PDE4D: variants seen among roughly 807,000 people sequenced by gnomAD.
PDE4D encodes 3',5'-cyclic-AMP phosphodiesterase 4D.
In PDE4D, 24 loss-of-function variants were observed where a neutral mutation model predicts 87.4. That is an observed-to-expected ratio of 0.27 (90% CI 0.20 to 0.39). PDE4D has a LOEUF of 0.39. PDE4D is among the 10% of genes least tolerant of loss of function. The pLI, the probability that PDE4D is intolerant of heterozygous loss-of-function variation, is 1.00. For synonymous variants in PDE4D, 384 were observed against 383.2 expected, an observed-to-expected ratio of 1.00 and a Z score of -0.02; for missense variants, 714 against 1,041.0, an observed-to-expected ratio of 0.69 and a Z score of 4.32.
chr5:60,172,102 ATATATATATATTATAT>A (rs930356982), intron 2 of PDE4D, among the ~76,000 whole-genome samples: 10 of 146,044 alleles, frequency 6.8e-5, no homozygotes, highest in Admixed American at 1.4e-4. Flanking sequence ...AAATGAGTGA[ATATATATATATTATAT>A]TATATATATA....
intron 5 of PDE4D, among the ~76,000 whole-genome samples, chr5:59,151,177 G>C (rs1188123132): frequency 6.6e-6 from 1 of 152,126 alleles, no homozygotes; most frequent in East Asian, 1.9e-4. Flanking sequence ...GATGAGGGAC[G>C]TTTGTGAATT....
intron 1 of PDE4D, among the ~76,000 whole-genome samples, chr5:59,848,605 T>C (rs1267813615): frequency 6.6e-6 from 1 of 152,030 alleles, no homozygotes; most frequent in Non-Finnish European, 1.5e-5. Context: ...AAGGAAAATA[T>C]ATCACAGTTT....
At chr5:60,011,361 G>A (rs1392121600) in intron 2 of PDE4D, among the ~76,000 whole-genome samples, 2 of 152,022 alleles carry the variant, frequency 1.3e-5, no homozygotes, top group African/African-American at 4.8e-5. Flanking sequence ...TTTAGCCTGT[G>A]GCAGTAGTTT....
At chr5:59,454,320 G>C (rs779044143) in intron 1 of PDE4D, among the ~76,000 whole-genome samples, 3 of 152,210 alleles carry the variant, frequency 2.0e-5, no homozygotes, top group Non-Finnish European at 4.4e-5. Flanking sequence ...CCTGGTAGGA[G>C]GTGATTGAAT....
chr5:60,503,507 AT>A (rs1750190429), intron 1 of PDE4D, among the ~76,000 whole-genome samples: 1 of 151,856 alleles, frequency 6.6e-6, no homozygotes, highest in Admixed American at 6.6e-5. Context: ...TATTCCTTGC[AT>A]TTATATTTAC....
intron 3 of PDE4D, among the ~76,000 whole-genome samples, chr5:59,952,721 A>G (rs1341232319): frequency 6.6e-6 from 1 of 152,190 alleles, no homozygotes; most frequent in East Asian, 1.9e-4. Flanking sequence ...ATCAGCTATT[A>G]TGCTATGAGG....
At chr5:59,737,536 C>T (rs1425506275) in intron 1 of PDE4D, among the ~76,000 whole-genome samples, 4 of 151,966 alleles carry the variant, frequency 2.6e-5, no homozygotes, top group Middle Eastern at 3.4e-3. Flanking sequence ...TAATAGGCCA[C>T]GGTATTGTGA....
At chr5:59,226,318 AAAG>A (rs1405421844) in intron 1 of PDE4D, among the ~76,000 whole-genome samples, 1 of 152,204 alleles carries the variant, frequency 6.6e-6, no homozygotes, top group Non-Finnish European at 1.5e-5. Flanking sequence ...TTTAGCCTTA[AAAG>A]AAGGATATCC....
intron 5 of PDE4D, among the ~76,000 whole-genome samples, chr5:59,138,121 T>C (rs1257889718): frequency 1.3e-5 from 2 of 152,222 alleles, no homozygotes; most frequent in African/African-American, 2.4e-5. Flanking sequence ...ACTTCACTTT[T>C]GTCCCTGAAA....
intron 1 of PDE4D, among the ~76,000 whole-genome samples, chr5:59,630,115 A>C (rs1382037077): frequency 2.0e-5 from 3 of 152,182 alleles, no homozygotes; most frequent in Non-Finnish European, 2.9e-5. Context: ...TGATTGTTGA[A>C]TCTATCTGTG....
chr5:59,335,924 T>C (rs893151326), intron 1 of PDE4D, among the ~76,000 whole-genome samples: 7 of 152,318 alleles, frequency 4.6e-5, no homozygotes, highest in Middle Eastern at 3.4e-3. Context: ...TTGCAAAAAA[T>C]GATCTAGACT....
intron 1 of PDE4D, among the ~76,000 whole-genome samples, chr5:60,281,731 G>T (rs1247387562): frequency 6.6e-6 from 1 of 152,010 alleles, no homozygotes; most frequent in Non-Finnish European, 1.5e-5. Context: ...AATAGAAAAA[G>T]TAAGAATAAG....
intron 1 of PDE4D, among the ~76,000 whole-genome samples, chr5:59,597,744 C>T (rs1223520230): frequency 6.6e-6 from 1 of 152,080 alleles, no homozygotes. Context: ...TTCAAAGTCA[C>T]TGTAGTATAA....
chr5:60,050,073 GT>G (rs377153240), intron 2 of PDE4D, among the ~76,000 whole-genome samples: 15 of 152,274 alleles, frequency 9.9e-5, no homozygotes, highest in African/African-American at 3.4e-4. Context: ...TCCTGGTGCC[GT>G]TTTTTAAGGC....
chr5:59,774,582 A>C (rs1029719180), intron 1 of PDE4D, among the ~76,000 whole-genome samples: 8 of 152,118 alleles, frequency 5.3e-5, no homozygotes, highest in Non-Finnish European at 1.2e-4. Flanking sequence ...GATTAAAACT[A>C]AATGTTAGAG....
intron 2 of PDE4D, among the ~76,000 whole-genome samples, chr5:60,164,792 A>T (rs1013978320): frequency 6.6e-6 from 1 of 152,148 alleles, no homozygotes; most frequent in Non-Finnish European, 1.5e-5. Context: ...TTAAGTATGC[A>T]TTTATCAAAT....
chr5:59,023,713 A>C (rs1330314594), intron 6 of PDE4D, among the ~76,000 whole-genome samples: 1 of 152,124 alleles, frequency 6.6e-6, no homozygotes, highest in East Asian at 1.9e-4. Context: ...TCTGGGACTA[A>C]ATTAGAGATT....
intron 1 of PDE4D, among the ~76,000 whole-genome samples, chr5:60,468,919 C>T (rs1475105541): frequency 6.6e-6 from 1 of 152,134 alleles, no homozygotes; most frequent in Non-Finnish European, 1.5e-5. Flanking sequence ...CAGCTCTCTC[C>T]ATCGTCCCCA....
chr5:60,372,354 C>T (rs944381164), intron 1 of PDE4D, among the ~76,000 whole-genome samples: 7 of 152,216 alleles, frequency 4.6e-5, no homozygotes, highest in African/African-American at 1.7e-4. Flanking sequence ...TCTGTACATT[C>T]TTTCCACTCA....
Sources: gnomAD v4.1 joint callset for allele counts (sites outside exome capture counted in the v4.1 genomes callset) on GRCh38, gnomAD v4.1.1 for gene constraint, MANE v1.5 for transcripts, NCBI Gene and HGNC (gene_info 2026-07-23, HGNC 2026-07-21) for gene names.